STXBP2: variants seen among roughly 807,000 people sequenced by gnomAD.
STXBP2 encodes syntaxin-binding protein 2.
A neutral mutation model predicts 72.2 loss-of-function variants in STXBP2; 47 were observed. The observed-to-expected ratio is 0.65, with a 90% CI of 0.51 to 0.83. The LOEUF (loss-of-function observed/expected upper bound fraction) is 0.83, where lower values mean the gene tolerates loss of function less well. Ranked by LOEUF, STXBP2 falls within the 40% of genes least tolerant of loss-of-function variation. The probability of loss-of-function intolerance (pLI) is 0.00; values close to 1 mark genes in which losing one functional copy is unlikely to be tolerated. For missense variants in STXBP2, 702 were observed against 807.6 expected (o/e 0.87, Z 1.58); for synonymous variants, 367 against 338.7 (o/e 1.08, Z -0.92).
intron 3 of STXBP2, chr19:7,639,400 G>A: frequency 1.7e-6 from 1 of 581,426 alleles, no homozygotes; most frequent in Non-Finnish European, 3.1e-6. Flanking sequence ...GTGGACTCTG[G>A]ATGTGGGGTC....
At chr19:7,631,404 G>C in the STXBP2 span, 27 of 1,065,396 alleles carry the variant, frequency 2.5e-5, no homozygotes, top group Admixed American at 5.0e-5. Context: ...GTGGGCGGGG[G>C]GGGGTGGTCC....
rs1016949074 is a variant in STXBP2 at position 7,643,037 on chromosome 19, G to A, written c.1015G>A (p.Glu339Lys). The change falls in exon 12 of 19, where the codon GAG (glutamate) becomes AAG (lysine). Residue 339 changes from glutamate (E) to lysine (K), a missense_variant. Transcript: ENST00000221283. ...ILKKMPQYQK[E>K]LNKYSTHLHL... ...GAAAAAGATGCCGCAGTACCAGAAG[G>A]AGCTGAATAAGGTGTGCTCGGGTGG... The A allele has an allele frequency of 6.2e-7, 1 of 1,614,190 alleles. No individual in the cohort carries two copies. The highest frequency in any genetic ancestry group is 8.5e-7 in the Non-Finnish European group (1 of 1,180,038).
the STXBP2 span, chr19:7,630,667 T>A: frequency 6.5e-7 from 1 of 1,536,488 alleles, no homozygotes; most frequent in East Asian, 2.4e-5. Flanking sequence ...AAGGTGGGCA[T>A]AAGAGGAGTG....
chr19:7,644,962 C>T (rs1026786859), intron 14 of STXBP2: 12 of 1,447,478 alleles, frequency 8.3e-6, no homozygotes, highest in Non-Finnish European at 1.0e-5. Context: ...ACGTAGAAAC[C>T]CTCACATCTG....
At chr19:7,646,503 C>T (rs2032145479) in intron 16 of STXBP2, 159 bp downstream of exon 16, 1 of 751,020 alleles carries the variant, frequency 1.3e-6, no homozygotes, top group Non-Finnish European at 2.3e-6. Flanking sequence ...GCACGCCAAG[C>T]CCGCAGCTGA....
At chr19:7,631,788 A>G in the STXBP2 span, 1 of 1,419,022 alleles carries the variant, frequency 7.0e-7, no homozygotes, top group South Asian at 1.8e-5. Context: ...TGAGGGTCCC[A>G]GCTCGTTTCT....
chr19:7,645,028 C>T lies in STXBP2; in HGVS notation c.1247-169C>T, dbSNP rs2032077250. On this transcript the variant is annotated intron_variant, in intron 14 of 18. Transcript: ENST00000221283. ...TCATCTGGAGGAGCCCCTGATCTAC[C>T]CCCTCCAGGTTTCCCACTCTTGCTC... 10 of 1,453,924 alleles carry T rather than the reference C, an allele frequency of 6.9e-6. No homozygotes were observed. The South Asian group carries it at 1.2e-4, about 18-fold the overall frequency. 90.1% of individuals were successfully genotyped at this position (1,453,924 alleles called of 1,614,324 possible).
At chr19:7,639,654 A>AC (rs35030487) in intron 3 of STXBP2, 77 bp from the exon 4 acceptor site, 1 of 1,414,130 alleles carries the variant, frequency 7.1e-7, no homozygotes. Flanking sequence ...CAAGCCTCCA[A>AC]CCCCCCACAC....
upstream of STXBP2, chr19:7,637,090 C>T: frequency 1.6e-6 from 2 of 1,232,792 alleles, no homozygotes; most frequent in Non-Finnish European, 2.0e-6. Context: ...GGGTGACGCG[C>T]GGGGCCACGC....
At chr19:7,635,913 C>T (rs776963773), upstream of STXBP2, among the ~76,000 whole-genome samples, 1 of 152,134 alleles carries the variant, frequency 6.6e-6, no homozygotes. Flanking sequence ...GCCCCTGCTG[C>T]CCCCACCCTC....
chr19:7,632,844 C>T (rs1447177967), upstream of STXBP2: 14 of 1,544,014 alleles, frequency 9.1e-6, no homozygotes, highest in African/African-American at 4.1e-5. The surrounding 1 kb of genome is among the most constrained non-coding windows in gnomAD (Gnocchi z 5.2). Flanking sequence ...GGGACAGACT[C>T]GCTCAGTCTG....
rs1195755207 is a variant in STXBP2 at position 7,639,570 on chromosome 19, T to A, written c.170-161T>A. The A allele has an allele frequency of 7.1e-6, 5 of 704,554 alleles. No individual in the cohort carries two copies. In the African/African-American group the frequency reaches 8.8e-5, roughly 12 times the overall value. 43.6% of individuals were successfully genotyped at this position (704,554 alleles called of 1,614,324 possible). ...GCTGCACAACCCCTGCAGAACCCTG[T>A]CGTGTGGCTCTTAGCTGGTGGTCCC... On this transcript the variant is annotated intron_variant, in intron 3 of 18. Transcript: ENST00000221283.
At position 7,642,816 on chromosome 19, in the gene STXBP2, C is replaced by T. The variant is rs201293382; in HGVS notation, c.953C>T (p.Thr318Met). The T allele has an allele frequency of 1.4e-4, 220 of 1,614,096 alleles. No individual in the cohort carries two copies. The East Asian group carries it at 3.4e-3, about 25-fold the overall frequency. The change falls in exon 11 of 19, where the codon ACG (threonine) becomes ATG (methionine). Residue 318 changes from threonine to methionine, a missense_variant. By Grantham distance (81) the Thr-to-Met change is moderately conservative. Transcript: ENST00000221283. The surrounding 1 kb of genome is among the most constrained non-coding windows in gnomAD (Gnocchi z 6.0). ...TTCTGTGAGAGCAAGAGGCTGACCA[C>T]GGACAAGGTAGGGGCGGACCCAGGT... The part of the protein sequence containing the change: ...RTFCESKRLT[T>M]DKANIKDLSQ...
At chr19:7,630,944 T>G in the STXBP2 span, 1 of 1,437,596 alleles carries the variant, frequency 7.0e-7, no homozygotes, top group Non-Finnish European at 9.5e-7. Flanking sequence ...GCGCAGTGGC[T>G]CATGCTTGTA....
the STXBP2 span, chr19:7,630,077 G>A: frequency 1.8e-6 from 1 of 561,932 alleles, no homozygotes; most frequent in Non-Finnish European, 3.0e-6. Flanking sequence ...GCTGTGAGAG[G>A]GCTGGTCCGA....
upstream of STXBP2, among the ~76,000 whole-genome samples, chr19:7,635,927 CCTT>C (rs1568461061): frequency 6.6e-6 from 1 of 152,150 alleles, no homozygotes. Flanking sequence ...CACCCTCCAG[CCTT>C]CTTAAGCTCG....
At chr19:7,631,739 G>C in the STXBP2 span, 7 of 1,448,012 alleles carry the variant, frequency 4.8e-6, no homozygotes, top group Non-Finnish European at 6.4e-6. Context: ...CGGAAGCCGA[G>C]AGCGGTCGGG....
At chr19:7,634,574 T>A (rs1599382863), upstream of STXBP2, among the ~76,000 whole-genome samples, 1 of 152,248 alleles carries the variant, frequency 6.6e-6, no homozygotes. Flanking sequence ...CTCACTATTT[T>A]GCCCAGGCTA....
intron 6 of STXBP2, 102 bp downstream of exon 6, chr19:7,641,105 C>T: frequency 8.0e-7 from 1 of 1,256,090 alleles, no homozygotes; most frequent in Non-Finnish European, 1.1e-6. Context: ...TGGCTCATAC[C>T]TGTAATCCCA....
Sources: allele counts gnomAD v4.1 joint callset (sites outside exome capture counted in the v4.1 genomes callset), GRCh38; gene constraint gnomAD v4.1.1; non-coding constraint Gnocchi (gnomAD v3.1); transcripts MANE v1.5; gene names NCBI Gene and HGNC (gene_info 2026-07-23, HGNC 2026-07-21).